Variants in FRMD4A observed in about 807,000 individuals in gnomAD.
The protein encoded by FRMD4A is FERM domain containing 4A.
FRMD4A carries 29 observed loss-of-function variants against 129.1 expected under a neutral mutation model. The observed-to-expected ratio is 0.22, with a 90% CI of 0.17 to 0.31. The LOEUF is 0.31. Among genes scored for constraint, FRMD4A ranks in the 10% least tolerant of loss-of-function variants. The pLI is 1.00. For synonymous variants in FRMD4A, 634 were observed against 571.6 expected, an observed-to-expected ratio of 1.11 and a Z score of -1.56; for missense variants, 1,272 against 1,375.8, an observed-to-expected ratio of 0.92 and a Z score of 1.19.
intron 2 of FRMD4A, among the ~76,000 whole-genome samples, chr10:13,891,951 G>C (rs944770109): frequency 2.0e-5 from 3 of 149,398 alleles, no homozygotes; most frequent in Admixed American, 6.7e-5. Context: ...TGCTAGGTCG[G>C]GTGCTAGGCG....
rs146625126 is a variant in FRMD4A at position 13,844,834 on chromosome 10, C to T, written c.111+14013G>A. Among the ~76,000 whole-genome samples, 4 of 152,288 alleles carry T rather than the reference C, an allele frequency of 2.6e-5. No homozygotes were observed. The East Asian group carries it at 7.7e-4, about 29-fold the overall frequency. On this transcript the variant is annotated intron_variant, in intron 3 of 24. Transcript: ENST00000357447. ...GGAATGCCTCTAAACATGTGTCCCA[C>T]CGTGCGCTACAAAATCACACACTGC...
At chr10:14,216,678 C>T (rs554220665) in intron 2 of FRMD4A, among the ~76,000 whole-genome samples, 3 of 152,100 alleles carry the variant, frequency 2.0e-5, no homozygotes, top group African/African-American at 7.2e-5. Context: ...CCTTGATTTT[C>T]AGATTCCCAA....
At chr10:14,305,782 A>G (rs1455953198) in intron 2 of FRMD4A, among the ~76,000 whole-genome samples, 1 of 152,222 alleles carries the variant, frequency 6.6e-6, no homozygotes, top group African/African-American at 2.4e-5. Context: ...CACACCAGGG[A>G]ATACTATGCT....
At chr10:14,051,206 T>C (rs1588873129) in intron 2 of FRMD4A, among the ~76,000 whole-genome samples, 2 of 152,342 alleles carry the variant, frequency 1.3e-5, no homozygotes, top group South Asian at 4.1e-4. Context: ...CTTTAACTGA[T>C]TTTTTATCTT....
intron 12 of FRMD4A, among the ~76,000 whole-genome samples, chr10:13,709,553 T>C (rs139896469): frequency 6.6e-6 from 1 of 152,160 alleles, no homozygotes; most frequent in East Asian, 1.9e-4. Context: ...AAAAAATATG[T>C]GTGTGCTGCA....
chr10:13,785,669 C>T (rs890707583), intron 5 of FRMD4A, among the ~76,000 whole-genome samples: 14 of 151,974 alleles, frequency 9.2e-5, no homozygotes, highest in South Asian at 2.1e-4. Context: ...ACATGCACAA[C>T]GTGCAGGTTT....
chr10:13,756,741 CA>C (rs1203564793), intron 8 of FRMD4A, among the ~76,000 whole-genome samples: 2 of 152,106 alleles, frequency 1.3e-5, no homozygotes, highest in African/African-American at 2.4e-5. Flanking sequence ...AAGTGATTCT[CA>C]AAATCAGGGT....
At chr10:13,912,835 A>AG (rs2094957564) in intron 2 of FRMD4A, among the ~76,000 whole-genome samples, 2 of 151,902 alleles carry the variant, frequency 1.3e-5, no homozygotes, top group African/African-American at 4.8e-5. Context: ...GCAGTTTGGG[A>AG]GGCTGAGGCG....
intron 12 of FRMD4A, among the ~76,000 whole-genome samples, chr10:13,730,203 A>G (rs2090225369): frequency 6.6e-6 from 1 of 152,182 alleles, no homozygotes; most frequent in African/African-American, 2.4e-5. Flanking sequence ...CAATCAATCA[A>G]AGGAACGTAA....
chr10:14,295,049 C>T (rs939080313), intron 2 of FRMD4A, among the ~76,000 whole-genome samples: 6 of 152,296 alleles, frequency 3.9e-5, no homozygotes, highest in East Asian at 1.9e-4. Context: ...TTCTCTCCCT[C>T]GTTAAAGCAG....
At chr10:14,139,435 C>CT (rs1302200927) in intron 2 of FRMD4A, among the ~76,000 whole-genome samples, 1 of 85,796 alleles carries the variant, frequency 1.2e-5, no homozygotes, top group Non-Finnish European at 3.0e-5. Context: ...AAACATATTT[C>CT]TTTTTTTATT....
intron 21 of FRMD4A, among the ~76,000 whole-genome samples, chr10:13,658,195 T>C (rs928004484): frequency 7.7e-6 from 1 of 130,296 alleles, no homozygotes; most frequent in African/African-American, 2.9e-5. Context: ...TATTTACAGA[T>C]CAGATAAAAG....
intron 12 of FRMD4A, among the ~76,000 whole-genome samples, chr10:13,712,463 G>A (rs1013841351): frequency 4.0e-5 from 6 of 151,052 alleles, no homozygotes; most frequent in Admixed American, 6.6e-5. Context: ...GCAGTGAGCC[G>A]AGATCTTACC....
Position 14,298,932 on chromosome 10 carries a change from G to C in FRMD4A, c.45+31126C>G, listed in dbSNP as rs184166536. 1.2e-3 allele frequency among the ~76,000 whole-genome samples: 179 copies of C among 152,296 alleles called. 1 individual carries two copies. Among genetic ancestry groups the C allele is most frequent in the African/African-American group, 4.0e-3 (165 of 41,538 alleles). On this transcript the variant is annotated intron_variant, in intron 2 of 24. Transcript: ENST00000357447. ...TCTGGATTACTCAGAGGATGAAATG[G>C]TGTTTTGAGATCAAATTTTATGGTG...
chr10:14,187,045 G>A (rs1219290677), intron 2 of FRMD4A, among the ~76,000 whole-genome samples: 1 of 151,846 alleles, frequency 6.6e-6, no homozygotes, highest in Non-Finnish European at 1.5e-5. Flanking sequence ...CCTGAGCCCA[G>A]GAGTTTGGGG....
intron 2 of FRMD4A, among the ~76,000 whole-genome samples, chr10:14,286,844 C>T (rs1845695378): frequency 6.6e-6 from 1 of 151,916 alleles, no homozygotes; most frequent in Non-Finnish European, 1.5e-5. Context: ...AGACAGAGTC[C>T]ATACTGGGAA....
At chr10:13,934,455 C>G (rs1471197040) in intron 2 of FRMD4A, among the ~76,000 whole-genome samples, 1 of 150,848 alleles carries the variant, frequency 6.6e-6, no homozygotes, top group African/African-American at 2.4e-5. Flanking sequence ...GTGTCCTAGT[C>G]ATTCATTTTA....
chr10:14,140,580 A>G (rs1432870726), intron 2 of FRMD4A, among the ~76,000 whole-genome samples: 3 of 149,112 alleles, frequency 2.0e-5, no homozygotes, highest in Non-Finnish European at 4.5e-5. Context: ...TCTCCTTGAA[A>G]CTCTTCCCCC....
chr10:14,068,747 G>T (rs1835177926), intron 2 of FRMD4A, among the ~76,000 whole-genome samples: 1 of 152,126 alleles, frequency 6.6e-6, no homozygotes, highest in East Asian at 1.9e-4. Flanking sequence ...CACATATTAA[G>T]ACACTTACTA....
Sources: gnomAD v4.1 joint callset for allele counts (sites outside exome capture counted in the v4.1 genomes callset) on GRCh38, gnomAD v4.1.1 for gene constraint, MANE v1.5 for transcripts, NCBI Gene and HGNC (gene_info 2026-07-23, HGNC 2026-07-21) for gene names.